Variants in SV2B observed in about 807,000 individuals in gnomAD.
SV2B encodes the protein synaptic vesicle glycoprotein 2B, also known as solute carrier family 22 member B2.
Under a neutral mutation model 73.9 loss-of-function variants are expected in SV2B, and 41 were observed. The observed-to-expected ratio is 0.56, with a 90% CI of 0.43 to 0.72. SV2B has a LOEUF of 0.72. Ranked by LOEUF, SV2B falls within the 30% of genes least tolerant of loss-of-function variation. The pLI, the probability that SV2B is intolerant of heterozygous loss-of-function variation, is 0.00. For missense variants in SV2B, 764 were observed against 857.8 expected, an observed-to-expected ratio of 0.89 and a Z score of 1.37; for synonymous variants, 314 against 314.2, an observed-to-expected ratio of 1.00 and a Z score of 0.01.
Position 91,284,029 on chromosome 15 carries a change from G to C in SV2B, c.1516G>C (p.Glu506Gln). 1.2e-6 allele frequency: 2 copies of C among 1,613,994 alleles called. No individual in the cohort carries two copies. The highest frequency in any genetic ancestry group is 1.7e-6 in the Non-Finnish European group (2 of 1,180,022). The change falls in exon 11 of 13, where the codon GAG (glutamate) becomes CAG (glutamine). Residue 506 changes from glutamate (E) to glutamine (Q), a missense_variant. By Grantham distance (29) the Glu-to-Gln change is conservative (BLOSUM62 2). Coordinates refer to ENST00000394232, the MANE Select transcript of SV2B (RefSeq NM_001323032.3). The surrounding 1 kb of genome is among the most constrained non-coding windows in gnomAD (Gnocchi z 4.5). The stretch of plus-strand genomic sequence containing the variant: ...TTTCCTTCTCTCCCCAGACCTCTAC[G>C]AGCACAAGTTCATCAACTGTCGGTT... ...STIFYNTDLY[E>Q]HKFINCRFIN...
At chr15:91,202,711 C>T (rs2045503750) in intron 1 of SV2B, among the ~76,000 whole-genome samples, 1 of 152,098 alleles carries the variant, frequency 6.6e-6, no homozygotes, top group Non-Finnish European at 1.5e-5. Context: ...ATGAAAGAAA[C>T]AGGACTGGCC....
rs549822393 is a variant in SV2B, at chr15:91,130,026, G to A, written c.-392+29663G>A. ...ACGCTAGGGGTGGATAAATTGGGAAGAGAGGGACGACAGGCCTGGGGCCAC... is the reference window on the plus strand; with the variant it reads ...ACGCTAGGGGTGGATAAATTGGGAAAAGAGGGACGACAGGCCTGGGGCCAC... On this transcript the variant is annotated intron_variant, in intron 1 of 12. Coordinates refer to ENST00000394232, the MANE Select transcript of SV2B (RefSeq NM_001323032.3). The surrounding 1 kb of genome is among the most constrained non-coding windows in gnomAD (Gnocchi z 5.6). Among the ~76,000 whole-genome samples, 1 of 152,348 alleles carries A rather than the reference G, an allele frequency of 6.6e-6. No individual in the cohort carries two copies. The highest frequency in any genetic ancestry group is 1.5e-5 in the Non-Finnish European group (1 of 68,030).
In SV2B at chr15:91,129,956, C is replaced by CA. The variant is rs985160169; in HGVS notation, c.-392+29596dup. Among the ~76,000 whole-genome samples, 3 of 152,074 alleles carry CA rather than the reference C, an allele frequency of 2.0e-5. No individual in the cohort carries two copies. Among genetic ancestry groups the CA allele is most frequent in the African/African-American group, 7.2e-5 (3 of 41,396 alleles). On this transcript the variant is annotated intron_variant, in intron 1 of 12. Transcript: ENST00000394232. This position sits in a 1 kb window ranked among gnomAD's most constrained non-coding sequence, Gnocchi z 5.1. ...TGCCTGGTCCTTGGCAAAGGCTCAG[C>CA]AAAGGGAGGTGATATTAACAACCAT...
intron 1 of SV2B, among the ~76,000 whole-genome samples, chr15:91,218,287 G>A (rs78471306): frequency 6.4e-4 from 98 of 152,290 alleles, no homozygotes; most frequent in African/African-American, 2.0e-3. Flanking sequence ...CTGTGTCCCT[G>A]TGTCTTCAGA....
Position 91,267,510 on chromosome 15 carries a change from C to G in SV2B, c.1120-45C>G, listed in dbSNP as rs773587495. The G allele has an allele frequency of 5.3e-6, 8 of 1,523,724 alleles. No individual in the cohort carries two copies. The East Asian group carries it at 1.8e-4, about 34-fold the overall frequency. 94.4% of individuals were successfully genotyped at this position (1,523,724 alleles called of 1,614,324 possible). On this transcript the variant is annotated intron_variant, in intron 7 of 12. Transcript: ENST00000394232. The surrounding 1 kb of genome is among the most constrained non-coding windows in gnomAD (Gnocchi z 4.3). ...GAGCTCTTCGTGGGAGAAACAAAGT[C>G]ACACATTGCTTTCTTTAACAATCCT...
intron 9 of SV2B, among the ~76,000 whole-genome samples, chr15:91,272,729 C>T (rs1340164404): frequency 1.3e-5 from 2 of 151,536 alleles, no homozygotes; most frequent in Non-Finnish European, 2.9e-5. Context: ...GAAGAAAGCA[C>T]ACACACACAC....
Position 91,123,344 on chromosome 15 carries a change from T to A in SV2B, c.-392+22981T>A, listed in dbSNP as rs1039060099. ...ATACACACATACACACACAAAAAGATAAGTCTGTGAGGTTTAGCTTGGTTT... is the reference window on the plus strand; with the variant it reads ...ATACACACATACACACACAAAAAGAAAAGTCTGTGAGGTTTAGCTTGGTTT... On this transcript the variant is annotated intron_variant, in intron 1 of 12. Transcript: ENST00000394232. This position sits in a 1 kb window ranked among gnomAD's most constrained non-coding sequence, Gnocchi z 4.7. 6.6e-6 allele frequency among the ~76,000 whole-genome samples: 1 copy of A among 152,206 alleles called. No homozygotes were observed. Among genetic ancestry groups the A allele is most frequent in the Non-Finnish European group, 1.5e-5 (1 of 68,034 alleles).
chr15:91,224,833 CA>C lies in SV2B; in HGVS notation c.-391-1038del, dbSNP rs2046323075. 6.6e-6 allele frequency among the ~76,000 whole-genome samples: 1 copy of C among 152,170 alleles called. No homozygotes were observed. Among genetic ancestry groups the C allele is most frequent in the African/African-American group, 2.4e-5 (1 of 41,440 alleles). ...AGTAGGCCACAATAAATGGTGGCCC[CA>C]AGCCTTGTGAAACCTGAGATTCTAG... is the stretch of plus-strand genomic sequence containing the variant. On this transcript the variant is annotated intron_variant, in intron 1 of 12. Transcript: ENST00000394232. The surrounding 1 kb of genome is among the most constrained non-coding windows in gnomAD (Gnocchi z 4.9).
chr15:91,171,618 G>C (rs2044125224), intron 1 of SV2B, among the ~76,000 whole-genome samples: 1 of 152,208 alleles, frequency 6.6e-6, no homozygotes. Flanking sequence ...CGTGCCTACA[G>C]TCATAAAACA....
At chr15:91,109,634 A>G (rs1159297817) in intron 1 of SV2B, among the ~76,000 whole-genome samples, 1 of 152,234 alleles carries the variant, frequency 6.6e-6, no homozygotes, top group East Asian at 1.9e-4. Context: ...TGCTCAAGTC[A>G]ATGAAGACCT....
chr15:91,231,444 CT>C lies in SV2B; in HGVS notation c.451+4731del, dbSNP rs113038644. On this transcript the variant is annotated intron_variant, in intron 2 of 12. Coordinates refer to ENST00000394232, the MANE Select transcript of SV2B (RefSeq NM_001323032.3). The surrounding 1 kb of genome is among the most constrained non-coding windows in gnomAD (Gnocchi z 4.5). Reference sequence around the variant, plus strand: ...GGGTTTCTGGAATTGGCTTTCTAATCTGATTAGATTTAAAGATACTTTATTT... The same window carrying C: ...GGGTTTCTGGAATTGGCTTTCTAATCGATTAGATTTAAAGATACTTTATTT... Among the ~76,000 whole-genome samples, 3,380 of 152,240 alleles carry C rather than the reference CT, an allele frequency of 0.022. 46 individuals carry two copies. The highest frequency in any genetic ancestry group is 0.051 in the Middle Eastern group (15 of 294).
At chr15:91,237,429 G>A (rs1413118556) in intron 2 of SV2B, among the ~76,000 whole-genome samples, 3 of 152,186 alleles carry the variant, frequency 2.0e-5, no homozygotes, top group Non-Finnish European at 1.5e-5. Flanking sequence ...ATCACTTCCA[G>A]TTGACAACCA....
intron 9 of SV2B, among the ~76,000 whole-genome samples, chr15:91,269,855 C>G (rs2048234217): frequency 6.6e-6 from 1 of 152,090 alleles, no homozygotes; most frequent in Non-Finnish European, 1.5e-5. Context: ...AATGCTGAAG[C>G]CCAGTTGCAG....
intron 1 of SV2B, among the ~76,000 whole-genome samples, chr15:91,181,643 T>A (rs562378305): frequency 6.6e-6 from 1 of 152,238 alleles, no homozygotes; most frequent in Non-Finnish European, 1.5e-5. Context: ...GTTTTCAGCT[T>A]ATTATCTGTA....
chr15:91,110,996 C>T lies in SV2B; in HGVS notation c.-392+10633C>T, dbSNP rs1035880929. ...AGATGAGAAAGGGTATATGAAAACA[C>T]GGTGGGGTGCTGAGCCAGCTTCTCC... On this transcript the variant is annotated intron_variant, in intron 1 of 12. Coordinates refer to ENST00000394232, the MANE Select transcript of SV2B (RefSeq NM_001323032.3). The surrounding 1 kb of genome is among the most constrained non-coding windows in gnomAD (Gnocchi z 5.4). Among the ~76,000 whole-genome samples the T allele has an allele frequency of 5.3e-5, 8 of 152,108 alleles. No homozygotes were observed. Among genetic ancestry groups the T allele is most frequent in the Admixed American group, 1.3e-4 (2 of 15,266 alleles).
chr15:91,259,895 T>G (rs1440554625), intron 5 of SV2B, among the ~76,000 whole-genome samples: 1 of 152,196 alleles, frequency 6.6e-6, no homozygotes, highest in African/African-American at 2.4e-5. Flanking sequence ...TATTTCCGAA[T>G]AAAGTCACTC....
At chr15:91,275,799 C>T (rs1209646871) in intron 9 of SV2B, among the ~76,000 whole-genome samples, 1 of 152,106 alleles carries the variant, frequency 6.6e-6, no homozygotes, top group African/African-American at 2.4e-5. Context: ...GCACTCCAGC[C>T]TGGGTGACAG....
At chr15:91,174,161 C>G (rs188049599) in intron 1 of SV2B, among the ~76,000 whole-genome samples, 2 of 152,336 alleles carry the variant, frequency 1.3e-5, no homozygotes, top group African/African-American at 2.4e-5. Flanking sequence ...AACTCCAATT[C>G]TGAAATGAGC....
At chr15:91,210,082 C>T (rs2045799952) in intron 1 of SV2B, among the ~76,000 whole-genome samples, 1 of 151,812 alleles carries the variant, frequency 6.6e-6, no homozygotes, top group East Asian at 1.9e-4. Context: ...ACCACAGGGC[C>T]AATGACACCC....
Sources: gnomAD v4.1 joint callset for allele counts (sites outside exome capture counted in the v4.1 genomes callset) on GRCh38, gnomAD v4.1.1 for gene constraint, Gnocchi (gnomAD v3.1) non-coding constraint, MANE v1.5 for transcripts, NCBI Gene and HGNC (gene_info 2026-07-23, HGNC 2026-07-21) for gene names.